GLIS3: variants seen among roughly 807,000 people sequenced by gnomAD.
GLIS3 encodes zinc finger protein GLIS3.
GLIS3 carries 53 observed loss-of-function variants against 78.6 expected under a neutral mutation model. That is an observed-to-expected ratio of 0.67 (90% CI 0.54 to 0.85). The LOEUF (loss-of-function observed/expected upper bound fraction) is 0.85, where lower values mean the gene tolerates loss of function less well. GLIS3 is among the 40% of genes least tolerant of loss of function. GLIS3 has a pLI of 0.00. For missense variants in GLIS3, 1,703 were observed against 1,231.1 expected, an observed-to-expected ratio of 1.38 and a Z score of -5.74; for synonymous variants, 684 against 509.9, an observed-to-expected ratio of 1.34 and a Z score of -4.60.
chr9:4,470,859 T>A, the GLIS3 span, among the ~76,000 whole-genome samples: 77,577 of 144,904 alleles, frequency 0.54, 20,978 homozygotes, highest in Middle Eastern at 0.67. Context: ...AAAACCCCAT[T>A]GTCTCAGCCC....
intron 6 of GLIS3, among the ~76,000 whole-genome samples, chr9:3,914,591 A>AT (rs796226882): frequency 4.5e-4 from 69 of 152,310 alleles, no homozygotes; most frequent in African/African-American, 1.7e-3. Flanking sequence ...GGAAATGCTA[A>AT]TTCACTACAT....
intron 2 of GLIS3, among the ~76,000 whole-genome samples, chr9:4,253,373 C>G (rs902224247): frequency 1.3e-5 from 2 of 152,198 alleles, no homozygotes; most frequent in Admixed American, 6.5e-5. Context: ...GGGCTCTGCC[C>G]AGTTTGAAAT....
At chr9:4,387,060 G>A in the GLIS3 span, among the ~76,000 whole-genome samples, 111,882 of 152,032 alleles carry the variant, frequency 0.74, 42,083 homozygotes, top group Non-Finnish European at 0.82. Context: ...GAAGCTTGAT[G>A]GTCTCTAGGC....
the GLIS3 span, among the ~76,000 whole-genome samples, chr9:4,372,647 T>C: frequency 2.4e-4 from 37 of 152,084 alleles, no homozygotes; most frequent in African/African-American, 7.5e-4. Context: ...ATTTAACTAA[T>C]CTTAGGGACC....
chr9:4,239,263 C>T (rs2129666716), intron 2 of GLIS3, among the ~76,000 whole-genome samples: 1 of 150,716 alleles, frequency 6.6e-6, no homozygotes, highest in African/African-American at 2.4e-5. Context: ...CACATGTATA[C>T]ATATGTAACA....
chr9:4,254,201 A>G (rs1038725330), intron 2 of GLIS3, among the ~76,000 whole-genome samples: 1 of 152,260 alleles, frequency 6.6e-6, no homozygotes, highest in Non-Finnish European at 1.5e-5. Context: ...AACATAAATA[A>G]GATTAAAGCC....
chr9:3,847,450 G>A (rs984557647), intron 9 of GLIS3, among the ~76,000 whole-genome samples: 2 of 152,232 alleles, frequency 1.3e-5, no homozygotes, highest in Non-Finnish European at 2.9e-5. Context: ...GTGGGACAAT[G>A]TAGTCCCTGT....
At chr9:4,091,833 GAAT>G (rs774512802) in intron 4 of GLIS3, among the ~76,000 whole-genome samples, 1 of 151,984 alleles carries the variant, frequency 6.6e-6, no homozygotes, top group African/African-American at 2.4e-5. Context: ...GTGAGAAACA[GAAT>G]AATACAGTAA....
intron 4 of GLIS3, among the ~76,000 whole-genome samples, chr9:4,097,551 A>C (rs1056843198): frequency 3.4e-4 from 51 of 152,176 alleles, no homozygotes; most frequent in African/African-American, 1.2e-3. Context: ...TTTTTTGATT[A>C]AAGATCTCAG....
chr9:4,237,049 T>A (rs1046714461), intron 2 of GLIS3, among the ~76,000 whole-genome samples: 11 of 151,884 alleles, frequency 7.2e-5, no homozygotes, highest in African/African-American at 2.7e-4. Context: ...CATGTGGAAA[T>A]CACAGAAATG....
At chr9:3,912,223 C>T (rs577303835) in intron 6 of GLIS3, among the ~76,000 whole-genome samples, 3 of 152,282 alleles carry the variant, frequency 2.0e-5, no homozygotes, top group African/African-American at 4.8e-5. Flanking sequence ...GAGGCTATTG[C>T]GTACGTTAAG....
chr9:3,913,688 T>C (rs1205901295), intron 6 of GLIS3, among the ~76,000 whole-genome samples: 1 of 152,252 alleles, frequency 6.6e-6, no homozygotes, highest in Non-Finnish European at 1.5e-5. Flanking sequence ...AGTAATTTTA[T>C]TCTTTTTCAT....
chr9:4,185,975 G>A lies in GLIS3; in HGVS notation c.389-60034C>T, dbSNP rs561846718. On this transcript the variant is annotated intron_variant, in intron 2 of 10. Transcript: ENST00000381971. ...GGCGCAGTGTGTCAAAGTTAAATTG[G>A]CAGAGTTTTCTTCTTTTTTTTAAAT... Among the ~76,000 whole-genome samples the A allele has an allele frequency of 2.0e-5, 3 of 152,010 alleles. No homozygotes were observed. In the South Asian group the frequency reaches 6.3e-4, roughly 32 times the overall value.
At chr9:4,197,978 A>G (rs1205913053) in intron 2 of GLIS3, among the ~76,000 whole-genome samples, 3 of 152,190 alleles carry the variant, frequency 2.0e-5, no homozygotes, top group Non-Finnish European at 4.4e-5. Flanking sequence ...ACAAAAATAT[A>G]TATGGAAAGA....
chr9:3,835,752 G>A (rs1348351717), intron 9 of GLIS3, among the ~76,000 whole-genome samples: 1 of 152,170 alleles, frequency 6.6e-6, no homozygotes, highest in Non-Finnish European at 1.5e-5. Flanking sequence ...CCCTATAACT[G>A]TTACTTTTAC....
the GLIS3 span, among the ~76,000 whole-genome samples, chr9:4,424,328 T>C: frequency 1.3e-5 from 2 of 152,190 alleles, no homozygotes; most frequent in Admixed American, 6.5e-5. Flanking sequence ...TGTGAAATTA[T>C]GCAGTTAGAA....
At chr9:4,158,219 C>T (rs960262357) in intron 2 of GLIS3, among the ~76,000 whole-genome samples, 11 of 152,188 alleles carry the variant, frequency 7.2e-5, no homozygotes, top group Admixed American at 2.0e-4. Flanking sequence ...TTCTCCATTA[C>T]ATCAATTCTG....
the GLIS3 span, among the ~76,000 whole-genome samples, chr9:4,429,557 T>A: frequency 3.6e-4 from 55 of 152,190 alleles, no homozygotes; most frequent in Admixed American, 1.8e-3. Flanking sequence ...TTGTCACATG[T>A]TCTCTTAATG....
chr9:4,301,512 A>G (rs781149219), upstream of GLIS3, among the ~76,000 whole-genome samples: 43 of 152,350 alleles, frequency 2.8e-4, no homozygotes, highest in Admixed American at 4.6e-4. Context: ...ACTCTTCCTC[A>G]TTAACTCCAG....
Sources: gnomAD v4.1 joint callset for allele counts (sites outside exome capture counted in the v4.1 genomes callset) on GRCh38, gnomAD v4.1.1 for gene constraint, MANE v1.5 for transcripts, NCBI Gene and HGNC (gene_info 2026-07-23, HGNC 2026-07-21) for gene names.